Variants in ZNF521 observed in about 807,000 individuals in gnomAD.
ZNF521 encodes LYST-interacting protein 3.
ZNF521 carries 14 observed loss-of-function variants against 105.5 expected under a neutral mutation model. The ratio of observed to expected loss-of-function variants is 0.13; its 90% CI spans 0.09 to 0.21. The LOEUF is 0.21. Ranked by LOEUF, ZNF521 falls within the 10% of genes least tolerant of loss-of-function variation. The pLI, the probability that ZNF521 is intolerant of heterozygous loss-of-function variation, is 1.00. For missense variants in ZNF521, 1,233 were observed against 1,629.7 expected (o/e 0.76, Z 4.19); for synonymous variants, 635 against 606.0 (o/e 1.05, Z -0.70).
intron 3 of ZNF521, among the ~76,000 whole-genome samples, chr18:25,240,007 G>C (rs1444415721): frequency 1.3e-5 from 2 of 151,796 alleles, no homozygotes; most frequent in Non-Finnish European, 2.9e-5. Flanking sequence ...CATCTCTTCA[G>C]GCTGAGGAGA....
At chr18:25,272,327 G>A (rs1271227129) in intron 3 of ZNF521, among the ~76,000 whole-genome samples, 2 of 152,186 alleles carry the variant, frequency 1.3e-5, no homozygotes, top group African/African-American at 4.8e-5. Context: ...GTGTCAATTA[G>A]TTCAACCATT....
intron 2 of ZNF521, among the ~76,000 whole-genome samples, chr18:25,340,095 G>A (rs184331553): frequency 2.0e-5 from 3 of 152,244 alleles, no homozygotes; most frequent in South Asian, 2.1e-4. Flanking sequence ...GGTGGCTCAC[G>A]CCTGTGATCC....
Position 25,209,986 on chromosome 18 carries a change from C to A in ZNF521, c.3573+14359G>T, listed in dbSNP as rs543531864. ...GGAAATATGATTCCTCATTTAGATG[C>A]ACTTTGACTGAATAAGCTATAGTTC... On this transcript the variant is annotated intron_variant, in intron 4 of 7. Transcript: ENST00000361524. Among the ~76,000 whole-genome samples the A allele has an allele frequency of 9.2e-4, 140 of 152,214 alleles. 1 individual carries two copies. Among genetic ancestry groups the A allele is most frequent in the African/African-American group, 3.3e-3 (138 of 41,548 alleles).
intron 5 of ZNF521, among the ~76,000 whole-genome samples, chr18:25,098,832 T>A (rs932325008): frequency 6.6e-6 from 1 of 152,210 alleles, no homozygotes; most frequent in Non-Finnish European, 1.5e-5. Flanking sequence ...TGTCACCTAA[T>A]CTTTAGTGCT....
chr18:25,316,185 A>C (rs1234457968), intron 3 of ZNF521, among the ~76,000 whole-genome samples: 2 of 152,106 alleles, frequency 1.3e-5, no homozygotes, highest in East Asian at 3.9e-4. Context: ...GCAAGATAAG[A>C]CCATGGAACG....
intron 3 of ZNF521, among the ~76,000 whole-genome samples, chr18:25,259,480 A>G (rs1014338386): frequency 2.6e-5 from 4 of 152,154 alleles, no homozygotes; most frequent in Non-Finnish European, 5.9e-5. Flanking sequence ...TGGGGATCAG[A>G]TTAGTTCATC....
At chr18:25,220,595 T>C (rs887792368) in intron 4 of ZNF521, among the ~76,000 whole-genome samples, 1 of 152,164 alleles carries the variant, frequency 6.6e-6, no homozygotes, top group East Asian at 1.9e-4. Context: ...CTGAGTCAGA[T>C]GGTCTACACT....
chr18:25,155,657 A>G (rs2035129457), intron 5 of ZNF521, among the ~76,000 whole-genome samples: 1 of 152,194 alleles, frequency 6.6e-6, no homozygotes, highest in Non-Finnish European at 1.5e-5. Flanking sequence ...TTTTCCCAGT[A>G]GCATGTATGG....
At chr18:25,129,284 AAT>A (rs1369679168) in intron 5 of ZNF521, among the ~76,000 whole-genome samples, 21 of 128,888 alleles carry the variant, frequency 1.6e-4, no homozygotes, top group African/African-American at 5.0e-4. Flanking sequence ...TATTATTATT[AAT>A]TAATCTGTGT....
At chr18:25,142,237 A>T (rs1049440680) in intron 5 of ZNF521, among the ~76,000 whole-genome samples, 10 of 152,140 alleles carry the variant, frequency 6.6e-5, no homozygotes, top group African/African-American at 2.4e-4. Context: ...AATTTCCTAG[A>T]TCTTTCAAGT....
intron 5 of ZNF521, among the ~76,000 whole-genome samples, chr18:25,119,662 G>A (rs547931397): frequency 1.4e-4 from 21 of 152,010 alleles, no homozygotes; most frequent in South Asian, 4.2e-4. Context: ...TAAAATTTAC[G>A]GGATGCAGCT....
At chr18:25,136,876 C>T (rs1324204990) in intron 5 of ZNF521, 1 of 152,168 alleles carries the variant, frequency 6.6e-6, no homozygotes, top group Non-Finnish European at 1.5e-5. Flanking sequence ...AAATGGGACA[C>T]CACATGTGTG....
At chr18:25,120,198 A>T (rs1032768100) in intron 5 of ZNF521, among the ~76,000 whole-genome samples, 1 of 152,332 alleles carries the variant, frequency 6.6e-6, no homozygotes, top group Non-Finnish European at 1.5e-5. Context: ...GCATTTATGG[A>T]AAAAATAACA....
chr18:25,131,012 C>T lies in ZNF521; in HGVS notation c.3659-38931G>A, dbSNP rs1026252653. Reference sequence around the variant, plus strand: ...ACAATCCAAAATATATCTTTTTTTCCGATTGGAGAGTCTCCATGGTATACT... The same window carrying T: ...ACAATCCAAAATATATCTTTTTTTCTGATTGGAGAGTCTCCATGGTATACT... On this transcript the variant is annotated intron_variant, in intron 5 of 7. Coordinates refer to ENST00000361524, the MANE Select transcript of ZNF521 (RefSeq NM_015461.3). Among the ~76,000 whole-genome samples, 14 of 151,782 alleles carry T rather than the reference C, an allele frequency of 9.2e-5. No homozygotes were observed. In the East Asian group the frequency reaches 9.7e-4, roughly 10 times the overall value.
rs140781335 is a variant in ZNF521 at position 25,156,396 on chromosome 18, A to C, written c.3658+38764T>G. Among the ~76,000 whole-genome samples the C allele has an allele frequency of 4.6e-3, 707 of 152,140 alleles. 7 individuals are homozygous for C. The highest frequency in any genetic ancestry group is 0.016 in the African/African-American group (658 of 41,490). ...GTGTGGGGGATTTCACTGCATAAAA[A>C]CCTATACATCAGTGTTCTTTATTTC... On this transcript the variant is annotated intron_variant, in intron 5 of 7. Transcript: ENST00000361524.
chr18:25,102,264 A>G (rs1340859740), intron 5 of ZNF521, among the ~76,000 whole-genome samples: 2 of 152,150 alleles, frequency 1.3e-5, no homozygotes, highest in Non-Finnish European at 2.9e-5. Context: ...ATTAAAAGAT[A>G]ATTTTTTAAA....
intron 5 of ZNF521, among the ~76,000 whole-genome samples, chr18:25,156,294 AAT>A (rs2035143097): frequency 6.6e-6 from 1 of 152,222 alleles, no homozygotes; most frequent in Non-Finnish European, 1.5e-5. Flanking sequence ...GGCAGAGCCA[AAT>A]TGAGAGTCCA....
Position 25,098,830 on chromosome 18 carries a change from A to C in ZNF521, c.3659-6749T>G, listed in dbSNP as rs530326147. Among the ~76,000 whole-genome samples, 20 of 152,338 alleles carry C rather than the reference A, an allele frequency of 1.3e-4. No individual in the cohort carries two copies. In the South Asian group the frequency reaches 3.9e-3, roughly 30 times the overall value. On this transcript the variant is annotated intron_variant, in intron 5 of 7. Transcript: ENST00000361524. ...TTCTTTCAAAAAATTTTTGTCACCTAATCTTTAGTGCTGTTCTGTTCTCTG... is the reference window on the plus strand; with the variant it reads ...TTCTTTCAAAAAATTTTTGTCACCTCATCTTTAGTGCTGTTCTGTTCTCTG...
chr18:25,299,136 G>A (rs1911486393), intron 3 of ZNF521, among the ~76,000 whole-genome samples: 2 of 152,220 alleles, frequency 1.3e-5, no homozygotes, highest in Non-Finnish European at 2.9e-5. Flanking sequence ...GATGCAGAAG[G>A]AAACTGACTC....
Sources: gnomAD v4.1 joint callset for allele counts (sites outside exome capture counted in the v4.1 genomes callset) on GRCh38, gnomAD v4.1.1 for gene constraint, MANE v1.5 for transcripts, NCBI Gene and HGNC (gene_info 2026-07-23, HGNC 2026-07-21) for gene names.